Variants in ESPL1 observed in about 807,000 individuals in gnomAD.
ESPL1 encodes the protein extra spindle pole bodies like 1, separase.
A neutral mutation model predicts 217.2 loss-of-function variants in ESPL1; 50 were observed. The observed-to-expected ratio is 0.23, with a 90% confidence interval of 0.18 to 0.29. ESPL1 has a LOEUF of 0.29. Ranked by LOEUF, ESPL1 falls within the 10% of genes least tolerant of loss-of-function variation. The probability of loss-of-function intolerance (pLI) is 1.00; values close to 1 mark genes in which losing one functional copy is unlikely to be tolerated. For missense variants in ESPL1, 1,834 were observed against 2,603.0 expected (o/e 0.70, Z 6.43); for synonymous variants, 994 against 1,081.3 (o/e 0.92, Z 1.58).
At chr12:53,270,616 C>G in intron 4 of ESPL1, 62 bp from the exon 5 acceptor site, 1 of 1,609,640 alleles carries the variant, frequency 6.2e-7, no homozygotes, top group Non-Finnish European at 8.5e-7. Context: ...GTGTGGAGTG[C>G]GGTGGAGGTC....
chr12:53,281,995 C>G (rs923254505), intron 13 of ESPL1, among the ~76,000 whole-genome samples: 7 of 152,134 alleles, frequency 4.6e-5, no homozygotes, highest in African/African-American at 1.7e-4. Context: ...TTCTCATGCT[C>G]TAGTTTCTTC....
Position 53,270,404 on chromosome 12 carries a change from G to T in ESPL1, c.1170G>T (p.Gln390His). The T allele has an allele frequency of 6.2e-7, 1 of 1,613,688 alleles. No homozygotes were observed. Among genetic ancestry groups the T allele is most frequent in the Non-Finnish European group, 8.5e-7 (1 of 1,179,658 alleles). Residue 390 changes from glutamine to histidine, a missense_variant, in exon 4 of 31, where the codon CAG becomes CAT. Physicochemically the swap from Gln to His is conservative, Grantham distance 24. Around this residue, in one of 5 missense-constraint regions of ESPL1, gnomAD observed 746 missense variants for 1,077.0 expected, o/e 0.69. Coordinates refer to ENST00000257934, the MANE Select transcript of ESPL1 (RefSeq NM_012291.5). ...DGVYGGSSKQ[Q>H]QSFLQMYFQG... ...TGTATGGGGGCTCCTCCAAGCAACAGCAGTCTTTTCTTCAGATGTACTTTC... is the reference window on the plus strand; with the variant it reads ...TGTATGGGGGCTCCTCCAAGCAACATCAGTCTTTTCTTCAGATGTACTTTC...
intron 11 of ESPL1, 151 bp from the exon 12 acceptor site, chr12:53,279,581 G>T: frequency 2.4e-6 from 2 of 834,634 alleles, no homozygotes; most frequent in Middle Eastern, 3.0e-4. Flanking sequence ...AACAGTAGGG[G>T]TGGGGTGATG....
rs1413879552 is a variant in ESPL1 at position 53,292,996 on chromosome 12, C to T, written c.6161+26C>T. 9.4e-6 allele frequency: 15 copies of T among 1,603,406 alleles called. No homozygotes were observed. The highest frequency in any genetic ancestry group is 2.2e-5 in the East Asian group (1 of 44,824). On this transcript the variant is annotated intron_variant, in intron 30 of 30. Coordinates refer to ENST00000257934, the MANE Select transcript of ESPL1 (RefSeq NM_012291.5). This position sits in a 1 kb window ranked among gnomAD's most constrained non-coding sequence, Gnocchi z 4.5. Reference sequence around the variant, plus strand: ...GTGAGTCTCCAAGGGCAAGACCCATCCTAGGGCATTAGGACTCCTGCCCTC... The same window carrying T: ...GTGAGTCTCCAAGGGCAAGACCCATTCTAGGGCATTAGGACTCCTGCCCTC...
chr12:53,288,800 T>A, intron 20 of ESPL1, 101 bp downstream of exon 20: 1 of 1,122,500 alleles, frequency 8.9e-7, no homozygotes, highest in Non-Finnish European at 1.3e-6. Context: ...CTGGATCCAG[T>A]AGCCTCTGAA....
At chr12:53,274,644 T>C (rs761111442) in intron 6 of ESPL1, among the ~76,000 whole-genome samples, 173 bp from the exon 7 acceptor site, 2 of 152,130 alleles carry the variant, frequency 1.3e-5, no homozygotes, top group South Asian at 4.1e-4. Flanking sequence ...TTGAAGGCAC[T>C]CAGAGTATTT....
Position 53,291,805 on chromosome 12 carries a change from G to A in ESPL1, c.5636G>A (p.Arg1879His), listed in dbSNP as rs763680704. Residue 1879 changes from arginine to histidine, a missense_variant, in exon 26 of 31, where the codon CGT becomes CAT. Physicochemically the swap from Arg to His is conservative, Grantham distance 29. Coordinates refer to ENST00000257934, the MANE Select transcript of ESPL1 (RefSeq NM_012291.5). ...AQELLNEAVG[R>H]LQGLTVPSNS... is the part of the protein sequence containing the mutation. ...GAGCTCCTGAATGAGGCAGTAGGACGTCTACAGGGCCTGACAGTACCAAGC... is the reference window on the plus strand; with the variant it reads ...GAGCTCCTGAATGAGGCAGTAGGACATCTACAGGGCCTGACAGTACCAAGC... 14 of 1,607,014 alleles carry A rather than the reference G, an allele frequency of 8.7e-6. No homozygotes were observed. The highest frequency in any genetic ancestry group is 1.7e-5 in the Admixed American group (1 of 58,522).
rs558640724 is a variant in ESPL1, at chr12:53,272,213, A to C, written c.1370-508A>C. Among the ~76,000 whole-genome samples the C allele has an allele frequency of 1.6e-4, 25 of 152,370 alleles. No individual in the cohort carries two copies. In the South Asian group the frequency reaches 5.2e-3, roughly 32 times the overall value. The stretch of plus-strand genomic sequence containing the variant: ...GGAGCCACGTTCTAGTTTGGGGGGA[A>C]AAGATAAACAGATTCAGTAAATAAG... On this transcript the variant is annotated intron_variant, in intron 5 of 30. Transcript: ENST00000257934.
chr12:53,270,444 T>G lies in ESPL1; in HGVS notation c.1210T>G (p.Tyr404Asp). The G allele has an allele frequency of 6.2e-7, 1 of 1,613,666 alleles. No individual in the cohort carries two copies. Among genetic ancestry groups the G allele is most frequent in the Non-Finnish European group, 8.5e-7 (1 of 1,179,546 alleles). ...LQMYFQGLHL[Y>D]TVVVYDFAQG... ...GATGTACTTTCAGGGACTTCACCTC[T>G]ACACTGTGGTGGTTTATGACTTTGC... The change falls in exon 4 of 31, where the codon TAC becomes GAC. Residue 404 changes from tyrosine to aspartate, a missense_variant. Tyr to Asp is a radical substitution (Grantham distance 160). Coordinates refer to ENST00000257934, the MANE Select transcript of ESPL1 (RefSeq NM_012291.5).
At chr12:53,281,678 A>G (rs768172628) in intron 13 of ESPL1, 52 bp downstream of exon 13, 5 of 1,570,894 alleles carry the variant, frequency 3.2e-6, no homozygotes, top group Admixed American at 3.6e-5. Context: ...GAAAGAATTT[A>G]GGATTTTCTT....
chr12:53,281,644 A>G lies in ESPL1; in HGVS notation c.2619+18A>G. On this transcript the variant is annotated intron_variant, in intron 13 of 30. Transcript: ENST00000257934. Reference sequence around the variant, plus strand: ...ACCAGAAGGTATTTCTCACTTTCTTAAACTCCGAAGGCCCTGGGTATTAGA... The same window carrying G: ...ACCAGAAGGTATTTCTCACTTTCTTGAACTCCGAAGGCCCTGGGTATTAGA... 1 of 1,607,700 alleles carries G rather than the reference A, an allele frequency of 6.2e-7. No individual in the cohort carries two copies.
In ESPL1 at chr12:53,286,213, C is replaced by G. The variant is rs1245363780; in HGVS notation, c.3477C>G (p.Val1159=). Residue 1159 remains valine (V), a synonymous_variant, in exon 18 of 31, where the codon GTC becomes GTG. Coordinates refer to ENST00000257934, the MANE Select transcript of ESPL1 (RefSeq NM_012291.5). The surrounding 1 kb of genome is among the most constrained non-coding windows in gnomAD (Gnocchi z 5.3). The part of the protein sequence containing the change: ...SLCASPVLTA[V]CLRWVLVTAG... ...GCGCCAGCCCTGTCCTCACAGCAGT[C>G]TGTCTGCGCTGGGTATTGGTCACGG... The G allele has an allele frequency of 6.2e-7, 1 of 1,614,268 alleles. No homozygotes were observed. The highest frequency in any genetic ancestry group is 8.5e-7 in the Non-Finnish European group (1 of 1,180,040).
At position 53,293,018 on chromosome 12, in the gene ESPL1, C is replaced by T; in HGVS notation, c.6161+48C>T. 2 of 1,552,572 alleles carry T rather than the reference C, an allele frequency of 1.3e-6. No homozygotes were observed. The highest frequency in any genetic ancestry group is 2.3e-5 in the South Asian group (2 of 86,210). ...CATCCTAGGGCATTAGGACTCCTGC[C>T]CTCACCCCAGGTTCTTTCCCAGGTC... On this transcript the variant is annotated intron_variant, in intron 30 of 30. Coordinates refer to ENST00000257934, the MANE Select transcript of ESPL1 (RefSeq NM_012291.5). The surrounding 1 kb of genome is among the most constrained non-coding windows in gnomAD (Gnocchi z 4.2).
rs949278125 is a variant in ESPL1 at position 53,274,934 on chromosome 12, A to T, written c.1624A>T (p.Met542Leu). ...AALQPCSPEHMAEPVTFWVRV... is the reference protein window; with the variant it reads ...AALQPCSPEHLAEPVTFWVRV... ...CCTGCAACCCTGTAGCCCTGAACAC[A>T]TGGCTGAGCCAGTCACTTTCTGGGT... Residue 542 changes from methionine (M) to leucine (L), a missense_variant, in exon 7 of 31, where the codon ATG becomes TTG. Physicochemically the swap from Met to Leu is conservative, Grantham distance 15. This residue lies in a region of ESPL1 where 746 missense variants were observed against 1,077.0 expected (regional missense o/e 0.69). Transcript: ENST00000257934. The T allele has an allele frequency of 6.2e-7, 1 of 1,601,848 alleles. No homozygotes were observed. Among genetic ancestry groups the T allele is most frequent in the Non-Finnish European group, 8.5e-7 (1 of 1,174,654 alleles).
In ESPL1 at chr12:53,292,946, T is replaced by C; in HGVS notation, c.6137T>C (p.Val2046Ala). Residue 2046 changes from valine (V) to alanine (A), a missense_variant, in exon 30 of 31, where the codon GTG (valine) becomes GCG (alanine). Around this residue, in one of 5 missense-constraint regions of ESPL1, gnomAD observed 295 missense variants for 519.8 expected, o/e 0.57. Transcript: ENST00000257934. The surrounding 1 kb of genome is among the most constrained non-coding windows in gnomAD (Gnocchi z 4.5). ...GGAAACCTGGAGGGGGCTGGCATCG[T>C]GCTCAAGTACATCATGGCTGGTTGG... is the stretch of plus-strand genomic sequence containing the variant. ...VRGNLEGAGIVLKYIMAGCPL... is the reference protein window; with the variant it reads ...VRGNLEGAGIALKYIMAGCPL... 1.2e-6 allele frequency: 2 copies of C among 1,613,844 alleles called. No individual in the cohort carries two copies. The highest frequency in any genetic ancestry group is 2.2e-5 in the East Asian group (1 of 44,878).
At chr12:53,277,668 G>A in intron 10 of ESPL1, 60 bp downstream of exon 10, 1 of 1,595,306 alleles carries the variant, frequency 6.3e-7, no homozygotes, top group Non-Finnish European at 8.6e-7. Flanking sequence ...GTGGAACAGG[G>A]ACCCCTGGTG....
Position 53,286,374 on chromosome 12 carries a change from C to T in ESPL1, c.3638C>T (p.Ser1213Phe), listed in dbSNP as rs1296765924. The T allele has an allele frequency of 1.2e-6, 2 of 1,614,210 alleles. No individual in the cohort carries two copies. The highest frequency in any genetic ancestry group is 8.5e-7 in the Non-Finnish European group (1 of 1,180,044). Residue 1213 changes from serine to phenylalanine, a missense_variant, in exon 18 of 31, where the codon TCC (serine) becomes TTC (phenylalanine). Around this residue, in one of 5 missense-constraint regions of ESPL1, gnomAD observed 681 missense variants for 808.0 expected, o/e 0.84. Transcript: ENST00000257934. This position sits in a 1 kb window ranked among gnomAD's most constrained non-coding sequence, Gnocchi z 5.3. ...QASLNHKTPP[S>F]LVPSLLDEIL... Reference sequence around the variant, plus strand: ...TCCCTGAATCATAAAACACCCCCCTCCTTGGTTCCAAGCCTCTTGGATGAG... The same window carrying T: ...TCCCTGAATCATAAAACACCCCCCTTCTTGGTTCCAAGCCTCTTGGATGAG...
Position 53,293,400 on chromosome 12 carries a change from C to T in ESPL1, c.6289C>T (p.Arg2097Cys). The T allele has an allele frequency of 6.2e-7, 1 of 1,614,136 alleles. No individual in the cohort carries two copies. The highest frequency in any genetic ancestry group is 1.3e-5 in the African/African-American group (1 of 75,040). ...CCTTCTCTACTATGTAAACCAGGCC[C>T]GCCAAGCTCCCCGACTCAAGTATCT... ...APLLYYVNQA[R>C]QAPRLKYLIG... The change falls in exon 31 of 31, where the codon CGC becomes TGC. Residue 2097 changes from arginine (R) to cysteine (C), a missense_variant. This residue lies in a region of ESPL1 where 295 missense variants were observed against 519.8 expected (regional missense o/e 0.57). Coordinates refer to ENST00000257934, the MANE Select transcript of ESPL1 (RefSeq NM_012291.5). The surrounding 1 kb of genome is among the most constrained non-coding windows in gnomAD (Gnocchi z 4.2).
chr12:53,290,977 C>T lies in ESPL1; in HGVS notation c.5501C>T (p.Pro1834Leu). The T allele has an allele frequency of 6.3e-7, 1 of 1,595,522 alleles. No individual in the cohort carries two copies. Among genetic ancestry groups the T allele is most frequent in the Non-Finnish European group, 8.5e-7 (1 of 1,171,412 alleles). ...ELLQDCGWKY[P>L]DRTLLKIMLS... The stretch of plus-strand genomic sequence containing the variant: ...CTACAGGACTGTGGCTGGAAATATC[C>T]TGACCGCACTCTGCTGAAAGTGAGT... Residue 1834 changes from proline (P) to leucine (L), a missense_variant, in exon 25 of 31, where the codon CCT becomes CTT. Physicochemically the swap from Pro to Leu is moderately conservative, Grantham distance 98. This residue lies in a region of ESPL1 where 295 missense variants were observed against 519.8 expected (regional missense o/e 0.57). Coordinates refer to ENST00000257934, the MANE Select transcript of ESPL1 (RefSeq NM_012291.5).
Sources: gnomAD v4.1 joint callset for allele counts (sites outside exome capture counted in the v4.1 genomes callset) on GRCh38, gnomAD v4.1.1 for gene constraint, gnomAD v4.1.1 regional missense constraint, Gnocchi (gnomAD v3.1) non-coding constraint, MANE v1.5 for transcripts, NCBI Gene and HGNC (gene_info 2026-07-23, HGNC 2026-07-21) for gene names.